The following PLXNA4 variants were observed in gnomAD, a reference collection of about 807,000 sequenced individuals.
The protein encoded by PLXNA4 is plexin-A4.
Under a neutral mutation model 191.8 loss-of-function variants are expected in PLXNA4, and 44 were observed. The ratio of observed to expected loss-of-function variants is 0.23; its 90% CI spans 0.18 to 0.29. The LOEUF is 0.29. Among genes scored for constraint, PLXNA4 ranks in the 10% least tolerant of loss-of-function variants. PLXNA4 has a pLI of 1.00. For synonymous variants in PLXNA4, 1,082 were observed against 1,009.5 expected, an observed-to-expected ratio of 1.07 and a Z score of -1.36; for missense variants, 1,800 against 2,488.8, an observed-to-expected ratio of 0.72 and a Z score of 5.89.
intron 3 of PLXNA4, among the ~76,000 whole-genome samples, chr7:132,335,732 A>G (rs1802791786): frequency 2.0e-5 from 3 of 152,258 alleles, no homozygotes; most frequent in African/African-American, 7.2e-5. Flanking sequence ...CTTCGAAGAC[A>G]GGAAAAGGCA....
chr7:132,179,991 C>T, intron 19 of PLXNA4, 70 bp from the exon 20 acceptor site: 2 of 1,508,754 alleles, frequency 1.3e-6, no homozygotes, highest in Non-Finnish European at 1.8e-6. Context: ...TCCCAAGTTA[C>T]CCATGAACTA....
chr7:132,413,838 C>T (rs1794559950), intron 3 of PLXNA4, among the ~76,000 whole-genome samples: 1 of 152,142 alleles, frequency 6.6e-6, no homozygotes, highest in South Asian at 2.1e-4. Flanking sequence ...CTATACACTC[C>T]TCACTCCCAA....
At position 132,140,748 on chromosome 7, in the gene PLXNA4, C is replaced by T; in HGVS notation, c.5289G>A (p.Lys1763=). ...KNPQFVFDIH[K]NSITDACLSV... ...AGAGGCAGGCGTCTGTGATGCTGTTCTTATGGATGTCAAACACAAACTGCG... is the reference window on the plus strand; with the variant it reads ...AGAGGCAGGCGTCTGTGATGCTGTTTTTATGGATGTCAAACACAAACTGCG... The change falls in exon 30 of 32, where the codon AAG becomes AAA. Residue 1763 remains lysine (K), a synonymous_variant. Coordinates refer to ENST00000321063, the MANE Select transcript of PLXNA4 (RefSeq NM_020911.2). The T allele has an allele frequency of 6.2e-7, 1 of 1,613,944 alleles. No individual in the cohort carries two copies. The highest frequency in any genetic ancestry group is 8.5e-7 in the Non-Finnish European group (1 of 1,179,996).
rs116604832 is a variant in PLXNA4, at chr7:132,594,629, G to T, written c.-87+51299C>A. Among the ~76,000 whole-genome samples the T allele has an allele frequency of 4.5e-3, 685 of 152,284 alleles. 3 individuals carry two copies. The highest frequency in any genetic ancestry group is 0.016 in the African/African-American group (664 of 41,548). Reference sequence around the variant, plus strand: ...TTGAAAACCATGGTGTGATCTCCAAGGTCCCTCCAGCTCTCACTCTCTAAA... The same window carrying T: ...TTGAAAACCATGGTGTGATCTCCAATGTCCCTCCAGCTCTCACTCTCTAAA... On this transcript the variant is annotated intron_variant, in intron 2 of 4. Transcript: ENST00000378539.
At chr7:132,196,124 C>T (rs909407571) in intron 13 of PLXNA4, among the ~76,000 whole-genome samples, 2 of 152,164 alleles carry the variant, frequency 1.3e-5, no homozygotes, top group Admixed American at 6.5e-5. Flanking sequence ...GGGTAGATGC[C>T]ATTATTATCC....
At chr7:132,267,190 A>C (rs1799890009) in intron 4 of PLXNA4, among the ~76,000 whole-genome samples, 1 of 152,220 alleles carries the variant, frequency 6.6e-6, no homozygotes, top group Non-Finnish European at 1.5e-5. Flanking sequence ...ACCCTGAGGA[A>C]ATTTCAGTCA....
intron 2 of PLXNA4, among the ~76,000 whole-genome samples, chr7:132,625,128 G>A (rs1803345721): frequency 6.6e-6 from 1 of 152,062 alleles, no homozygotes; most frequent in African/African-American, 2.4e-5. Flanking sequence ...TATCTCAAAA[G>A]TGAGGGCTAG....
intron 3 of PLXNA4, among the ~76,000 whole-genome samples, chr7:132,371,137 G>C (rs1002116623): frequency 6.6e-6 from 1 of 152,150 alleles, no homozygotes; most frequent in Admixed American, 6.5e-5. Context: ...CTGGGGAGAC[G>C]GGTTGGGGTG....
At chr7:132,428,307 A>C (rs532412543) in intron 3 of PLXNA4, among the ~76,000 whole-genome samples, 2 of 152,318 alleles carry the variant, frequency 1.3e-5, no homozygotes, top group South Asian at 2.1e-4. Context: ...GGCTGAAATC[A>C]GTGGGAAGTC....
chr7:132,482,298 GCCC>G, intron 3 of PLXNA4, among the ~76,000 whole-genome samples: 1 of 152,248 alleles, frequency 6.6e-6, no homozygotes, highest in Middle Eastern at 3.4e-3. Context: ...CCTCTTTCTC[GCCC>G]CCATCTCTCA....
chr7:132,608,433 A>G (rs900348298), intron 2 of PLXNA4, among the ~76,000 whole-genome samples: 1 of 152,242 alleles, frequency 6.6e-6, no homozygotes, highest in Admixed American at 6.5e-5. Context: ...TGAATAACAC[A>G]GAGTCACTGC....
intron 3 of PLXNA4, among the ~76,000 whole-genome samples, chr7:132,439,444 C>A (rs1209319116): frequency 2.0e-5 from 3 of 152,128 alleles, no homozygotes; most frequent in African/African-American, 7.2e-5. Flanking sequence ...TATACAAATA[C>A]ACAATATATC....
At chr7:132,605,901 C>T (rs1161706270) in intron 2 of PLXNA4, among the ~76,000 whole-genome samples, 1 of 152,090 alleles carries the variant, frequency 6.6e-6, no homozygotes, top group African/African-American at 2.4e-5. Flanking sequence ...CACCAAAGGC[C>T]GGCTGTGGTT....
At chr7:132,250,002 A>G (rs1200423753) in intron 4 of PLXNA4, among the ~76,000 whole-genome samples, 3 of 152,170 alleles carry the variant, frequency 2.0e-5, no homozygotes, top group African/African-American at 4.8e-5. Flanking sequence ...AGGGAGAAAA[A>G]TAGAGTTTGA....
At chr7:132,194,255 A>G in intron 13 of PLXNA4, 76 bp from the exon 14 acceptor site, 2 of 1,516,226 alleles carry the variant, frequency 1.3e-6, no homozygotes, top group South Asian at 1.3e-5. Flanking sequence ...GCACCTACCC[A>G]GGTCCCTTTC....
At chr7:132,625,237 G>A (rs1476830632) in intron 2 of PLXNA4, among the ~76,000 whole-genome samples, 1 of 152,134 alleles carries the variant, frequency 6.6e-6, no homozygotes, top group Non-Finnish European at 1.5e-5. Flanking sequence ...TGGGTTGAGA[G>A]TCATGCAACC....
intron 1 of PLXNA4, among the ~76,000 whole-genome samples, chr7:132,543,695 T>G (rs1046179399): frequency 1.3e-5 from 2 of 152,224 alleles, no homozygotes; most frequent in East Asian, 3.8e-4. Context: ...TAAACTTGAA[T>G]GCTAGGCTAA....
At chr7:132,248,835 C>T (rs914627836) in intron 4 of PLXNA4, among the ~76,000 whole-genome samples, 5 of 145,256 alleles carry the variant, frequency 3.4e-5, no homozygotes, top group Non-Finnish European at 7.5e-5. Flanking sequence ...ACCATCTGGC[C>T]ACCCCAGTGT....
At chr7:132,359,622 C>T (rs1181358784) in intron 3 of PLXNA4, among the ~76,000 whole-genome samples, 1 of 151,954 alleles carries the variant, frequency 6.6e-6, no homozygotes, top group Non-Finnish European at 1.5e-5. Flanking sequence ...AAATGTATAC[C>T]TAAGGTCTTA....
Sources: gnomAD v4.1 joint callset for allele counts (sites outside exome capture counted in the v4.1 genomes callset) on GRCh38, gnomAD v4.1.1 for gene constraint, MANE v1.5 for transcripts, NCBI Gene and HGNC (gene_info 2026-07-23, HGNC 2026-07-21) for gene names.